The following SMARCA4 variants were observed in gnomAD, a reference collection of about 807,000 sequenced individuals.
SMARCA4 encodes the protein SWI/SNF-related matrix-associated actin-dependent regulator of chromatin subfamily A member 4.
SMARCA4 carries 31 observed loss-of-function variants against 193.9 expected under a neutral mutation model. The observed-to-expected ratio is 0.16, with a 90% CI of 0.12 to 0.22. SMARCA4 has a LOEUF of 0.22. SMARCA4 is among the 10% of genes least tolerant of loss of function. The pLI, the probability that SMARCA4 is intolerant of heterozygous loss-of-function variation, is 1.00. For missense variants in SMARCA4, 1,148 were observed against 2,296.0 expected (o/e 0.50, Z 10.22); for synonymous variants, 942 against 933.1 (o/e 1.01, Z -0.17).
At chr19:11,061,204 AATATATATATATATATAT>A (rs55894159) in intron 34 of SMARCA4, among the ~76,000 whole-genome samples, 5 of 45,226 alleles carry the variant, frequency 1.1e-4, no homozygotes, top group African/African-American at 4.5e-4. Flanking sequence ...AAAAAAAAAA[AATATATATATATATATAT>A]ATATATATAT....
Position 11,030,499 on chromosome 19 carries a change from G to A in SMARCA4, c.3383-231G>A, listed in dbSNP as rs779230903. 2.6e-5 allele frequency among the ~76,000 whole-genome samples: 4 copies of A among 152,206 alleles called. No homozygotes were observed. Among genetic ancestry groups the A allele is most frequent in the Admixed American group, 6.5e-5 (1 of 15,284 alleles). On this transcript the variant is annotated intron_variant, in intron 24 of 34. Transcript: ENST00000344626. The surrounding 1 kb of genome is among the most constrained non-coding windows in gnomAD (Gnocchi z 5.5). ...GCCCACCTCCTCTAGTTCTCCCAGC[G>A]GGGCCTGTTTTCATTTCTGGGATGT...
At chr19:11,027,583 C>G in intron 23 of SMARCA4, 4 of 669,614 alleles carry the variant, frequency 6.0e-6, no homozygotes, top group South Asian at 4.9e-5. Context: ...GCCTCCCCAG[C>G]GAGGGTGGCC....
Position 11,060,629 on chromosome 19 carries a change from G to A in SMARCA4, c.4911+442G>A, listed in dbSNP as rs1355869691. 3.9e-5 allele frequency: 9 copies of A among 229,090 alleles called. No individual in the cohort carries two copies. In the East Asian group the frequency reaches 5.1e-4, roughly 13 times the overall value. The allele number at this position is 229,090 out of a possible 1,614,324, so 14.2% of individuals were successfully genotyped here. On this transcript the variant is annotated intron_variant, in intron 34 of 34. Transcript: ENST00000344626. ...GACCACAGTGGATAGTTTTTGGGGT[G>A]CAGTGGGGAGCCGGAGAAGATCCAC...
chr19:11,004,107 C>G (rs1017918055), intron 13 of SMARCA4, among the ~76,000 whole-genome samples: 3 of 152,044 alleles, frequency 2.0e-5, no homozygotes, highest in African/African-American at 4.8e-5. Flanking sequence ...GCCTCCACCT[C>G]CCGTGTTCAA....
chr19:11,049,490 T>G (rs1463039072), intron 30 of SMARCA4, among the ~76,000 whole-genome samples: 3 of 151,672 alleles, frequency 2.0e-5, no homozygotes, highest in East Asian at 3.9e-4. Flanking sequence ...TCTGTGTTTT[T>G]TTTTTTTTTT....
Position 11,007,895 on chromosome 19 carries a change from TTGG to T in SMARCA4, c.2002-5_2002-3del. 1 of 1,613,432 alleles carries T rather than the reference TTGG, an allele frequency of 6.2e-7. No homozygotes were observed. Among genetic ancestry groups the T allele is most frequent in the Middle Eastern group, 1.6e-4 (1 of 6,062 alleles). On this transcript the variant is annotated splice_region_variant and splice_polypyrimidine_tract_variant and intron_variant, in intron 13 of 34. Coordinates refer to ENST00000344626, the MANE Select transcript of SMARCA4 (RefSeq NM_003072.5). ...AACTGAGGTGACATGGGCTTGTCTC[TTGG>T]TAGGAGGAGGAGGAAGAGCAGCCGC...
At chr19:11,017,270 C>G (rs1227196768) in intron 16 of SMARCA4, among the ~76,000 whole-genome samples, 2 of 152,236 alleles carry the variant, frequency 1.3e-5, no homozygotes, top group Non-Finnish European at 2.9e-5. Flanking sequence ...TCTTGAGCCA[C>G]TAGAGCGCAG....
rs963154725 is a variant in SMARCA4, at chr19:11,059,116, A to C, written c.4635+227A>C. 9.5e-5 allele frequency: 48 copies of C among 504,124 alleles called. No individual in the cohort carries two copies. The Middle Eastern group carries it at 1.6e-3, about 17-fold the overall frequency. The allele number at this position is 504,124 out of a possible 1,614,324, so 31.2% of individuals were successfully genotyped here. A position where few individuals can be genotyped will look rare whatever the true frequency, so the allele number is the denominator to read the frequency against. Reference sequence around the variant, plus strand: ...ATAACAAGACCCTGTCTTTAAAAAAAAAAAAGAAAAAATTAAAAATTTCCA... The same window carrying C: ...ATAACAAGACCCTGTCTTTAAAAAACAAAAAGAAAAAATTAAAAATTTCCA... On this transcript the variant is annotated intron_variant, in intron 32 of 34. Transcript: ENST00000344626.
chr19:10,989,562 CCGTGG>C (rs1347301151), intron 7 of SMARCA4, 119 bp downstream of exon 7: 10 of 1,177,218 alleles, frequency 8.5e-6, no homozygotes, highest in Non-Finnish European at 1.2e-5. Context: ...TGAAAAGCAG[CCGTGG>C]CCATCCATGG....
intron 1 of SMARCA4, among the ~76,000 whole-genome samples, chr19:10,976,766 A>C (rs1181610483): frequency 6.7e-6 from 1 of 149,976 alleles, no homozygotes; most frequent in African/African-American, 2.5e-5. Flanking sequence ...AAAAAAAAAA[A>C]AAATTGGGCC....
rs576086449 is a variant in SMARCA4 at position 10,976,002 on chromosome 19, T to G, written c.-31-8119T>G. ...TCATCCTTTGCTTTTTCCACCTGAGTAGGTGTGGCCTCCTGGTCTGCAATG... is the reference window on the plus strand; with the variant it reads ...TCATCCTTTGCTTTTTCCACCTGAGGAGGTGTGGCCTCCTGGTCTGCAATG... On this transcript the variant is annotated intron_variant, in intron 1 of 34. Transcript: ENST00000344626. Among the ~76,000 whole-genome samples, 21 of 152,284 alleles carry G rather than the reference T, an allele frequency of 1.4e-4. 1 individual carries two copies. The highest frequency in any genetic ancestry group is 5.1e-4 in the African/African-American group (21 of 41,554).
At chr19:11,026,279 C>A (rs1385467357) in intron 22 of SMARCA4, 21 bp from the exon 23 acceptor site, 1 of 1,610,920 alleles carries the variant, frequency 6.2e-7, no homozygotes, top group Admixed American at 1.7e-5. Context: ...TGTCACTGAC[C>A]CCTCTCTCCT....
intron 1 of SMARCA4, among the ~76,000 whole-genome samples, chr19:10,976,551 T>C (rs2085142746): frequency 6.6e-6 from 1 of 152,048 alleles, no homozygotes; most frequent in Non-Finnish European, 1.5e-5. Flanking sequence ...AGCCCAGGTG[T>C]TTGAGACCAG....
chr19:11,051,531 G>A (rs528151503), intron 30 of SMARCA4, among the ~76,000 whole-genome samples: 28 of 145,412 alleles, frequency 1.9e-4, no homozygotes, highest in African/African-American at 6.7e-4. Flanking sequence ...TCACTCTGTC[G>A]CCAGGCTGGA....
rs2145847126 is a variant in SMARCA4 at position 10,989,336 on chromosome 19, C to T, written c.1138C>T (p.His380Tyr). The T allele has an allele frequency of 1.2e-6, 2 of 1,614,166 alleles. No homozygotes were observed. Among genetic ancestry groups the T allele is most frequent in the Non-Finnish European group, 1.7e-6 (2 of 1,180,010 alleles). ...REYRLQARIA[H>Y]RIQELENLPG... is the part of the protein sequence containing the mutation. ...TCCCAGGCTGCAGGCTCGCATCGCA[C>T]ACCGAATTCAGGAACTTGAAAACCT... The change falls in exon 7 of 35, where the codon CAC becomes TAC. Residue 380 changes from histidine to tyrosine, a missense_variant. Around this residue, in one of 17 missense-constraint regions of SMARCA4, gnomAD observed 69 missense variants for 186.9 expected, o/e 0.37. Coordinates refer to ENST00000344626, the MANE Select transcript of SMARCA4 (RefSeq NM_003072.5).
intron 25 of SMARCA4, chr19:11,032,037 G>C (rs2146624520): frequency 6.6e-6 from 1 of 152,364 alleles, no homozygotes; most frequent in African/African-American, 2.4e-5. Context: ...CTGGGGTGTA[G>C]CTTCTGCCCA....
At chr19:10,969,927 G>T (rs1555741923) in intron 1 of SMARCA4, among the ~76,000 whole-genome samples, 1 of 152,164 alleles carries the variant, frequency 6.6e-6, no homozygotes, top group Non-Finnish European at 1.5e-5. Flanking sequence ...CCCCTTTACT[G>T]TGGCCCTCAA....
intron 1 of SMARCA4, among the ~76,000 whole-genome samples, chr19:10,974,432 T>G (rs2084931407): frequency 6.6e-6 from 1 of 151,312 alleles, no homozygotes; most frequent in African/African-American, 2.4e-5. Context: ...GGGTATTTAT[T>G]TCATGGGTAT....
intron 34 of SMARCA4, chr19:11,060,463 G>A (rs928879099): frequency 9.2e-6 from 5 of 545,000 alleles, no homozygotes; most frequent in East Asian, 3.1e-5. Flanking sequence ...GGCAGCAGGC[G>A]GTCCCAGGGC....
Sources: gnomAD v4.1 joint callset for allele counts (sites outside exome capture counted in the v4.1 genomes callset) on GRCh38, gnomAD v4.1.1 for gene constraint, gnomAD v4.1.1 regional missense constraint, Gnocchi (gnomAD v3.1) non-coding constraint, MANE v1.5 for transcripts, NCBI Gene and HGNC (gene_info 2026-07-23, HGNC 2026-07-21) for gene names.